The following XPO6 variants were observed in gnomAD, a reference collection of about 807,000 sequenced individuals.
The protein encoded by XPO6 is exportin-6.
XPO6 carries 3 observed loss-of-function variants against 130.0 expected under a neutral mutation model. That is an observed-to-expected ratio of 0.02 (90% CI 0.01 to 0.06). The LOEUF is 0.06. XPO6 is among the 10% of genes least tolerant of loss of function. XPO6 has a pLI of 1.00. For synonymous variants in XPO6, 524 were observed against 548.9 expected, an observed-to-expected ratio of 0.95 and a Z score of 0.63; for missense variants, 970 against 1,393.0, an observed-to-expected ratio of 0.70 and a Z score of 4.83.
In XPO6 at chr16:28,181,012, A is replaced by G. The variant is rs1321476958; in HGVS notation, c.23T>C (p.Leu8Pro). 1 of 1,612,940 alleles carries G rather than the reference A, an allele frequency of 6.2e-7. No homozygotes were observed. Among genetic ancestry groups the G allele is most frequent in the Non-Finnish European group, 8.5e-7 (1 of 1,179,716 alleles). MASEEAS[L>P]RALESLMTEF... is the part of the protein sequence containing the mutation. ...TGTCATCAGACTTTCCAATGCCCTGAGAGAGGCTTCTTCAGATGCCTAACA... is the reference window on the plus strand; with the variant it reads ...TGTCATCAGACTTTCCAATGCCCTGGGAGAGGCTTCTTCAGATGCCTAACA... Residue 8 changes from leucine to proline, a missense_variant, in exon 2 of 24, where the codon CTC becomes CCC. Leu to Pro is a moderately conservative substitution (Grantham distance 98, BLOSUM62 -3). Coordinates refer to ENST00000304658, the MANE Select transcript of XPO6 (RefSeq NM_015171.4).
intron 1 of XPO6, among the ~76,000 whole-genome samples, chr16:28,191,289 CA>C (rs748805351): frequency 2.0e-5 from 3 of 152,086 alleles, no homozygotes; most frequent in Non-Finnish European, 4.4e-5. Flanking sequence ...CTTAATTAAA[CA>C]GCCAAAAAAA....
At chr16:28,122,825 G>C (rs1339092280) in intron 13 of XPO6, among the ~76,000 whole-genome samples, 1 of 152,008 alleles carries the variant, frequency 6.6e-6, no homozygotes, top group African/African-American at 2.4e-5. Flanking sequence ...GAATCTATGT[G>C]GTGGGTATAT....
chr16:28,185,428 G>T (rs2043678511), intron 1 of XPO6, among the ~76,000 whole-genome samples: 1 of 152,134 alleles, frequency 6.6e-6, no homozygotes, highest in East Asian at 1.9e-4. Context: ...CAGACTAGTG[G>T]TTACCTTGGA....
At chr16:28,140,860 A>G (rs975930828) in intron 9 of XPO6, among the ~76,000 whole-genome samples, 7 of 152,188 alleles carry the variant, frequency 4.6e-5, no homozygotes, top group African/African-American at 1.4e-4. Flanking sequence ...ATATATATGA[A>G]TAAAGAACAA....
chr16:28,185,789 T>C (rs1259309694), intron 1 of XPO6, among the ~76,000 whole-genome samples: 2 of 152,194 alleles, frequency 1.3e-5, no homozygotes, highest in East Asian at 3.8e-4. Context: ...AAGAGTTACT[T>C]GGCTCACCTC....
In XPO6 at chr16:28,160,504, CA is replaced by C. The variant is rs56821334; in HGVS notation, c.644-3978del. On this transcript the variant is annotated intron_variant, in intron 6 of 23. Coordinates refer to ENST00000304658, the MANE Select transcript of XPO6 (RefSeq NM_015171.4). ...GGATAACAAAGTGAGACTCCATCAC[CA>C]AAAAAAAAAAAAAAATCAAGTAAAA... Among the ~76,000 whole-genome samples, 246 of 113,126 alleles carry C rather than the reference CA, an allele frequency of 2.2e-3. 1 individual carries two copies. Among genetic ancestry groups the C allele is most frequent in the Non-Finnish European group, 2.4e-3 (126 of 53,268 alleles). The allele number at this position is 113,126 out of a possible 152,430, so 74.2% of individuals were successfully genotyped here. A position where few individuals can be genotyped will look rare whatever the true frequency, so the allele number is the denominator to read the frequency against.
At chr16:28,195,943 A>G (rs1456901029) in intron 1 of XPO6, among the ~76,000 whole-genome samples, 1 of 152,192 alleles carries the variant, frequency 6.6e-6, no homozygotes, top group Non-Finnish European at 1.5e-5. Flanking sequence ...TGATCACGGA[A>G]GAACTTGCAC....
At chr16:28,163,644 T>A (rs919129864) in intron 6 of XPO6, among the ~76,000 whole-genome samples, 1 of 152,170 alleles carries the variant, frequency 6.6e-6, no homozygotes, top group Non-Finnish European at 1.5e-5. Context: ...CAGAGGAAGC[T>A]ATTCCTTTTT....
In XPO6 at chr16:28,101,412, G is replaced by A. The variant is rs200459247; in HGVS notation, c.3276+46C>T. On this transcript the variant is annotated intron_variant, in intron 23 of 23. Coordinates refer to ENST00000304658, the MANE Select transcript of XPO6 (RefSeq NM_015171.4). The surrounding 1 kb of genome is among the most constrained non-coding windows in gnomAD (Gnocchi z 5.4). ...CTTGCTGCACAGGTGCCAGGCTTGC[G>A]TGCCCACTCTGCCCTCCTCTTAGCC... 9.1e-5 allele frequency: 141 copies of A among 1,548,992 alleles called. No homozygotes were observed. Among genetic ancestry groups the A allele is most frequent in the Non-Finnish European group, 1.1e-4 (124 of 1,121,710 alleles).
At chr16:28,182,293 A>C (rs989814405) in intron 1 of XPO6, among the ~76,000 whole-genome samples, 1 of 152,192 alleles carries the variant, frequency 6.6e-6, no homozygotes, top group Non-Finnish European at 1.5e-5. Flanking sequence ...GTGAAGACTG[A>C]GGAACAAATT....
At chr16:28,197,914 T>TAAA (rs56896819) in intron 1 of XPO6, among the ~76,000 whole-genome samples, 21 of 45,740 alleles carry the variant, frequency 4.6e-4, no homozygotes, top group Admixed American at 1.4e-3. Flanking sequence ...GAGAGACTCT[T>TAAA]AAAAAAAAAA....
chr16:28,176,584 G>A (rs556449948), intron 3 of XPO6, among the ~76,000 whole-genome samples: 3 of 151,044 alleles, frequency 2.0e-5, no homozygotes, highest in East Asian at 1.9e-4. Flanking sequence ...TGCAAGCTCC[G>A]CCTCCCGGGT....
At chr16:28,119,181 ATT>A (rs1032667845) in intron 14 of XPO6, among the ~76,000 whole-genome samples, 14 of 129,008 alleles carry the variant, frequency 1.1e-4, no homozygotes, top group Admixed American at 1.6e-4. Context: ...ATGTCCGGCT[ATT>A]TTTTTTTTTT....
At chr16:28,109,305 T>TC (rs1182175607) in intron 17 of XPO6, among the ~76,000 whole-genome samples, 4 of 151,584 alleles carry the variant, frequency 2.6e-5, no homozygotes, top group African/African-American at 7.3e-5. Flanking sequence ...TCTTTTCTTT[T>TC]TTTTTTTTTT....
chr16:28,133,382 GTGA>G (rs1438808868), intron 11 of XPO6, among the ~76,000 whole-genome samples: 1 of 152,010 alleles, frequency 6.6e-6, no homozygotes, highest in Non-Finnish European at 1.5e-5. Context: ...CCTTGAAGAA[GTGA>G]TGAATTTAAT....
intron 15 of XPO6, among the ~76,000 whole-genome samples, chr16:28,114,234 C>A (rs2087000248): frequency 6.9e-6 from 1 of 145,672 alleles, no homozygotes; most frequent in African/African-American, 2.5e-5. Flanking sequence ...GACATTTTGA[C>A]AATCTGAAGT....
intron 1 of XPO6, among the ~76,000 whole-genome samples, chr16:28,191,707 G>A (rs749998468): frequency 3.6e-4 from 55 of 152,202 alleles, no homozygotes; most frequent in Non-Finnish European, 6.9e-4. Flanking sequence ...GAAGCACAGA[G>A]GAGTTCTGCT....
intron 1 of XPO6, among the ~76,000 whole-genome samples, chr16:28,206,185 GT>G (rs2044027482): frequency 6.6e-6 from 1 of 150,658 alleles, no homozygotes; most frequent in African/African-American, 2.5e-5. Flanking sequence ...CTATTATATT[GT>G]TAGATTGTAA....
intron 1 of XPO6, among the ~76,000 whole-genome samples, chr16:28,209,640 C>CAAA (rs200663753): frequency 1.4e-3 from 62 of 42,992 alleles, no homozygotes; most frequent in African/African-American, 3.9e-3. Flanking sequence ...AACTCCATCT[C>CAAA]AAAAAAAAAA....
Sources: gnomAD v4.1 joint callset for allele counts (sites outside exome capture counted in the v4.1 genomes callset) on GRCh38, gnomAD v4.1.1 for gene constraint, Gnocchi (gnomAD v3.1) non-coding constraint, MANE v1.5 for transcripts, NCBI Gene and HGNC (gene_info 2026-07-23, HGNC 2026-07-21) for gene names.